Variants in MBNL1 observed in about 807,000 individuals in gnomAD.
MBNL1 encodes the protein muscleblind like splicing regulator 1.
A neutral mutation model predicts 42.2 loss-of-function variants in MBNL1; 8 were observed. That is an observed-to-expected ratio of 0.19 (90% CI 0.11 to 0.34). MBNL1 has a LOEUF of 0.34. MBNL1 is among the 10% of genes least tolerant of loss of function. The pLI is 1.00. For synonymous variants in MBNL1, 169 were observed against 173.9 expected (o/e 0.97, Z 0.22); for missense variants, 309 against 495.3 (o/e 0.62, Z 3.57).
chr3:152,387,878 C>CT (rs1182500809), intron 2 of MBNL1, among the ~76,000 whole-genome samples: 2 of 151,988 alleles, frequency 1.3e-5, no homozygotes, highest in Non-Finnish European at 2.9e-5. Flanking sequence ...TGCTAGTAGT[C>CT]TAAGAAAAGG....
intron 2 of MBNL1, among the ~76,000 whole-genome samples, chr3:152,385,198 G>A (rs2097357992): frequency 6.6e-6 from 1 of 151,862 alleles, no homozygotes; most frequent in African/African-American, 2.4e-5. Context: ...TAAAAAATAT[G>A]CCTTTTAAAA....
intron 2 of MBNL1, chr3:152,339,910 CTTTTTCTTTCGTG>C (rs2092669746): frequency 6.6e-6 from 1 of 152,108 alleles, no homozygotes; most frequent in Non-Finnish European, 1.5e-5. Flanking sequence ...TCTCAAAGAG[CTTTTTCTTTCGTG>C]TTTTTCTTCT....
chr3:152,318,177 A>G (rs1003046913), intron 2 of MBNL1, among the ~76,000 whole-genome samples: 22 of 152,250 alleles, frequency 1.4e-4, no homozygotes, highest in Admixed American at 1.3e-4. Flanking sequence ...TAAGGAAGTC[A>G]TTCTTATGAC....
chr3:152,424,775 A>G (rs902755175), intron 3 of MBNL1, among the ~76,000 whole-genome samples: 19 of 152,192 alleles, frequency 1.2e-4, no homozygotes, highest in African/African-American at 3.9e-4. Context: ...CACACCACAC[A>G]TCTACCACCA....
At chr3:152,375,658 C>T (rs1420995710) in intron 2 of MBNL1, among the ~76,000 whole-genome samples, 1 of 151,844 alleles carries the variant, frequency 6.6e-6, no homozygotes, top group African/African-American at 2.4e-5. Flanking sequence ...TATCTACAAA[C>T]AAAACAAAAA....
chr3:152,251,378 A>G (rs1056685998), intron 2 of MBNL1, among the ~76,000 whole-genome samples: 1 of 152,146 alleles, frequency 6.6e-6, no homozygotes, highest in African/African-American at 2.4e-5. Flanking sequence ...GAACTAATAT[A>G]TGCATTACTC....
chr3:152,452,180 CAGATTGATTAT>C (rs1297679772), intron 6 of MBNL1, among the ~76,000 whole-genome samples: 7 of 152,132 alleles, frequency 4.6e-5, no homozygotes, highest in African/African-American at 1.7e-4. Flanking sequence ...CTTTCAGGAC[CAGATTGATTAT>C]TTGTAGATAT....
At chr3:152,312,860 G>GT (rs1456671928) in intron 2 of MBNL1, among the ~76,000 whole-genome samples, 4 of 152,098 alleles carry the variant, frequency 2.6e-5, no homozygotes, top group South Asian at 2.1e-4. Context: ...GATGAAATTT[G>GT]TAATAAAAAT....
chr3:152,321,846 C>T (rs1054839724), intron 2 of MBNL1, among the ~76,000 whole-genome samples: 1 of 151,986 alleles, frequency 6.6e-6, no homozygotes, highest in Non-Finnish European at 1.5e-5. Flanking sequence ...TTCAGATCTA[C>T]TTTCAAACTA....
chr3:152,329,725 A>G (rs1474013411), intron 2 of MBNL1, among the ~76,000 whole-genome samples: 1 of 146,802 alleles, frequency 6.8e-6, no homozygotes, highest in Non-Finnish European at 1.5e-5. Flanking sequence ...TATGTCATAT[A>G]TAATATATAA....
chr3:152,312,703 T>C (rs748265419), intron 2 of MBNL1, among the ~76,000 whole-genome samples: 1 of 152,216 alleles, frequency 6.6e-6, no homozygotes, highest in Non-Finnish European at 1.5e-5. Context: ...AAATTGATCA[T>C]AGGGAAAAGT....
chr3:152,440,542 A>G (rs1030097443), intron 4 of MBNL1, among the ~76,000 whole-genome samples: 6 of 152,168 alleles, frequency 3.9e-5, no homozygotes, highest in African/African-American at 1.2e-4. Context: ...CCATGATTCA[A>G]TTACCTCCCA....
chr3:152,352,447 C>G (rs1264153273), intron 2 of MBNL1, among the ~76,000 whole-genome samples: 1 of 152,208 alleles, frequency 6.6e-6, no homozygotes, highest in African/African-American at 2.4e-5. Flanking sequence ...GTCTCTAGGG[C>G]TGCCTTGAAC....
chr3:152,244,322 G>C (rs2032385765), exon 2 of MBNL1: 2 of 151,886 alleles, frequency 1.3e-5, no homozygotes, highest in Non-Finnish European at 2.9e-5. Context: ...CTTTTGCAGA[G>C]GAAAAAAAAT....
chr3:152,324,780 T>A (rs978305254), intron 2 of MBNL1, among the ~76,000 whole-genome samples: 13 of 152,112 alleles, frequency 8.5e-5, no homozygotes, highest in African/African-American at 2.4e-4. Flanking sequence ...TGTGCCCAAA[T>A]GTCCTTATCT....
At chr3:152,446,409 T>C (rs2099226493) in intron 5 of MBNL1, among the ~76,000 whole-genome samples, 1 of 150,562 alleles carries the variant, frequency 6.6e-6, no homozygotes, top group Admixed American at 6.6e-5. Flanking sequence ...AGGCAGACTC[T>C]CTCCTCCTCT....
At chr3:152,256,900 G>A (rs2035516303) in intron 2 of MBNL1, among the ~76,000 whole-genome samples, 1 of 151,900 alleles carries the variant, frequency 6.6e-6, no homozygotes, top group South Asian at 2.1e-4. Flanking sequence ...TGTACTAGAA[G>A]GATGACAATC....
At chr3:152,392,003 A>C (rs1348362331) in intron 2 of MBNL1, among the ~76,000 whole-genome samples, 1 of 152,196 alleles carries the variant, frequency 6.6e-6, no homozygotes, top group African/African-American at 2.4e-5. Context: ...AATATCAATA[A>C]ATTGCAAACT....
intron 2 of MBNL1, among the ~76,000 whole-genome samples, chr3:152,366,007 A>G (rs926553022): frequency 2.0e-4 from 31 of 152,172 alleles, no homozygotes; most frequent in African/African-American, 7.5e-4. Flanking sequence ...TAGGAGGAAC[A>G]CAATACTGAC....
Sources: allele counts gnomAD v4.1 joint callset (sites outside exome capture counted in the v4.1 genomes callset), GRCh38; gene constraint gnomAD v4.1.1; transcripts MANE v1.5; gene names NCBI Gene and HGNC (gene_info 2026-07-23, HGNC 2026-07-21).